Variants in WDR43 observed in about 807,000 individuals in gnomAD.
WDR43 encodes the protein WD repeat-containing protein 43.
Under a neutral mutation model 91.4 loss-of-function variants are expected in WDR43, and 13 were observed. The observed-to-expected ratio is 0.14, with a 90% CI of 0.09 to 0.23. WDR43 has a LOEUF of 0.23. WDR43 is among the 10% of genes least tolerant of loss of function. The probability of loss-of-function intolerance (pLI) is 1.00; values close to 1 mark genes in which losing one functional copy is unlikely to be tolerated. For missense variants in WDR43, 780 were observed against 809.4 expected, an observed-to-expected ratio of 0.96 and a Z score of 0.44; for synonymous variants, 331 against 287.9, an observed-to-expected ratio of 1.15 and a Z score of -1.51.
chr2:28,901,429 G>T (rs1430990874), intron 1 of WDR43, among the ~76,000 whole-genome samples: 1 of 152,166 alleles, frequency 6.6e-6, no homozygotes, highest in African/African-American at 2.4e-5. Context: ...TCTCTTGTGT[G>T]CTCTGAGCTG....
At chr2:28,902,160 A>G in intron 2 of WDR43, 36 bp downstream of exon 2, 2 of 1,525,474 alleles carry the variant, frequency 1.3e-6, no homozygotes, top group Non-Finnish European at 1.8e-6. Flanking sequence ...AAGTGATGTG[A>G]CAGGGAAGCT....
Position 28,894,807 on chromosome 2 carries a change from C to T in WDR43, c.109C>T (p.His37Tyr). 3 of 1,611,022 alleles carry T rather than the reference C, an allele frequency of 1.9e-6. No homozygotes were observed. Among genetic ancestry groups the T allele is most frequent in the Non-Finnish European group, 2.5e-6 (3 of 1,178,728 alleles). ...CTTCGCTTTGGCCTCTACCGACGGT[C>T]ACTTACGAGTATGGGAGACGGCCAA... Reference protein sequence around the residue: ...AYFALASTDGHLRVWETANNR... With the variant: ...AYFALASTDGYLRVWETANNR... The change falls in exon 1 of 18, where the codon CAC (histidine) becomes TAC (tyrosine). Residue 37 changes from histidine to tyrosine, a missense_variant. Physicochemically the swap from His to Tyr is moderately conservative, Grantham distance 83. Coordinates refer to ENST00000407426, the MANE Select transcript of WDR43 (RefSeq NM_015131.3).
Position 28,929,849 on chromosome 2 carries a change from T to C in WDR43, c.1437+139T>C, listed in dbSNP as rs1057365793. On this transcript the variant is annotated intron_variant, in intron 11 of 17. Transcript: ENST00000407426. ...AATGTTTTATGAGTTTAGTCAAACATGTATCACTTGGTGGCATTATACAGA... is the reference window on the plus strand; with the variant it reads ...AATGTTTTATGAGTTTAGTCAAACACGTATCACTTGGTGGCATTATACAGA... 11 of 922,160 alleles carry C rather than the reference T, an allele frequency of 1.2e-5. No homozygotes were observed. In the East Asian group the frequency reaches 2.6e-4, roughly 22 times the overall value. 57.1% of individuals were successfully genotyped at this position (922,160 alleles called of 1,614,324 possible).
At chr2:28,913,577 G>C (rs754488409) in intron 4 of WDR43, 2 of 465,928 alleles carry the variant, frequency 4.3e-6, no homozygotes, top group African/African-American at 2.0e-5. Context: ...CCAGCATTTA[G>C]TCCACTTACT....
intron 6 of WDR43, among the ~76,000 whole-genome samples, chr2:28,919,740 C>T (rs1251553260): frequency 5.3e-5 from 8 of 152,124 alleles, no homozygotes; most frequent in Admixed American, 5.2e-4. Flanking sequence ...TGCTTGTGTA[C>T]ATTCAGTGTG....
intron 10 of WDR43, 50 bp downstream of exon 10, chr2:28,927,750 T>C: frequency 6.2e-7 from 1 of 1,607,196 alleles, no homozygotes; most frequent in Non-Finnish European, 8.5e-7. Context: ...TTAAAATTAC[T>C]GGGAAATTCT....
intron 3 of WDR43, among the ~76,000 whole-genome samples, chr2:28,907,245 C>G (rs1670698523): frequency 1.3e-5 from 2 of 152,096 alleles, no homozygotes; most frequent in Non-Finnish European, 2.9e-5. Context: ...TGCCCATGGT[C>G]CTGCAGCTGC....
At chr2:28,910,989 C>T (rs751473595) in intron 3 of WDR43, among the ~76,000 whole-genome samples, 47 of 151,872 alleles carry the variant, frequency 3.1e-4, no homozygotes, top group African/African-American at 1.0e-3. Flanking sequence ...TGAGCCACTG[C>T]GCCTGGCCAC....
chr2:28,910,030 A>G (rs1350511465), intron 3 of WDR43, among the ~76,000 whole-genome samples: 2 of 152,214 alleles, frequency 1.3e-5, no homozygotes, highest in African/African-American at 4.8e-5. Context: ...TTTTTCATCT[A>G]GTGCTTCTTA....
At chr2:28,944,276 A>G (rs779083377) in intron 16 of WDR43, among the ~76,000 whole-genome samples, 5 of 39,140 alleles carry the variant, frequency 1.3e-4, no homozygotes, top group Non-Finnish European at 1.9e-4. Context: ...GCACAGAAAT[A>G]CTGTTTTTCA....
intron 14 of WDR43, among the ~76,000 whole-genome samples, chr2:28,938,732 C>A (rs1278944316): frequency 6.6e-6 from 1 of 152,188 alleles, no homozygotes; most frequent in Non-Finnish European, 1.5e-5. Context: ...GACTCCTTTG[C>A]CTTCAGTGGC....
chr2:28,915,354 TAAG>T (rs1015646819), intron 5 of WDR43, among the ~76,000 whole-genome samples: 6 of 152,188 alleles, frequency 3.9e-5, no homozygotes, highest in African/African-American at 1.4e-4. Flanking sequence ...AACAATTACA[TAAG>T]AAATCAGTAG....
Position 28,943,771 on chromosome 2 carries a change from T to G in WDR43, c.1804+1390T>G, listed in dbSNP as rs150091639. Among the ~76,000 whole-genome samples the G allele has an allele frequency of 6.1e-3, 926 of 152,318 alleles. 9 individuals carry two copies. Among genetic ancestry groups the G allele is most frequent in the African/African-American group, 0.021 (863 of 41,552 alleles). On this transcript the variant is annotated intron_variant, in intron 16 of 17. Transcript: ENST00000407426. ...TATATGGAACAAAAAATTTTACCAT[T>G]ATCACATCACACATCACATTCCATA...
At chr2:28,906,357 C>T in intron 2 of WDR43, 103 bp from the exon 3 acceptor site, 1 of 1,184,956 alleles carries the variant, frequency 8.4e-7, no homozygotes, top group East Asian at 2.7e-5. Context: ...AGCACTGGCT[C>T]ATGCCTGTAA....
chr2:28,940,662 TC>T (rs1484047178), intron 14 of WDR43, among the ~76,000 whole-genome samples: 6 of 152,236 alleles, frequency 3.9e-5, no homozygotes, highest in Non-Finnish European at 8.8e-5. Context: ...TTTAAATTTT[TC>T]CAGTTGCTTT....
At chr2:28,937,860 G>A in intron 13 of WDR43, 71 bp from the exon 14 acceptor site, 1 of 1,483,458 alleles carries the variant, frequency 6.7e-7, no homozygotes, top group South Asian at 1.2e-5. Context: ...GTCTGTCTGG[G>A]TTTTCTAACA....
chr2:28,895,212 A>G (rs925589563), intron 1 of WDR43: 9 of 305,954 alleles, frequency 2.9e-5, no homozygotes, highest in Non-Finnish European at 4.8e-5. Context: ...ATGTTCGCCA[A>G]GTCCCCTGGT....
At position 28,935,616 on chromosome 2, in the gene WDR43, C is replaced by T; in HGVS notation, c.1524+9C>T. ...TTCCGTTGTTACAAGAGGTAACTGA[C>T]TGCTTTTTTCATTTCAGCATCCTAA... is the stretch of plus-strand genomic sequence containing the variant. On this transcript the variant is annotated intron_variant, in intron 12 of 17. Transcript: ENST00000407426. 1.9e-6 allele frequency: 3 copies of T among 1,554,766 alleles called. No homozygotes were observed. The highest frequency in any genetic ancestry group is 2.4e-5 in the South Asian group (2 of 81,792).
At chr2:28,916,526 A>G (rs934250533) in intron 5 of WDR43, among the ~76,000 whole-genome samples, 1 of 152,126 alleles carries the variant, frequency 6.6e-6, no homozygotes. Flanking sequence ...TTTTTGCATT[A>G]TGGATATCCA....
Sources: gnomAD v4.1 joint callset for allele counts (sites outside exome capture counted in the v4.1 genomes callset) on GRCh38, gnomAD v4.1.1 for gene constraint, MANE v1.5 for transcripts, NCBI Gene and HGNC (gene_info 2026-07-23, HGNC 2026-07-21) for gene names.